The following MLXIP variants were observed in gnomAD, a reference collection of about 807,000 sequenced individuals.
MLXIP encodes the protein MLX interacting protein, also known as MLX-interacting protein.
Under a neutral mutation model 87.2 loss-of-function variants are expected in MLXIP, and 30 were observed. That is an observed-to-expected ratio of 0.34 (90% CI 0.26 to 0.47). The LOEUF (loss-of-function observed/expected upper bound fraction) is 0.47. MLXIP is among the 20% of genes least tolerant of loss of function. The pLI is 1.00. For synonymous variants in MLXIP, 530 were observed against 514.0 expected (o/e 1.03, Z -0.42); for missense variants, 1,002 against 1,240.1 (o/e 0.81, Z 2.88).
chr12:122,114,342 A>C (rs761837032), intron 1 of MLXIP, among the ~76,000 whole-genome samples: 1 of 152,202 alleles, frequency 6.6e-6, no homozygotes, highest in Non-Finnish European at 1.5e-5. Context: ...AACCACCCTC[A>C]GTTTCAATAA....
intron 1 of MLXIP, among the ~76,000 whole-genome samples, chr12:122,108,309 A>C (rs1232543865): frequency 2.0e-5 from 3 of 148,832 alleles, no homozygotes; most frequent in Non-Finnish European, 4.4e-5. Context: ...CAGAGGTTGC[A>C]GTGAGCTGAG....
At chr12:122,122,129 C>G (rs1401818921) in intron 1 of MLXIP, among the ~76,000 whole-genome samples, 4 of 152,048 alleles carry the variant, frequency 2.6e-5, no homozygotes, top group Admixed American at 2.6e-4. Context: ...TGGGGGAAGC[C>G]AGTGGTCTTG....
At chr12:122,130,705 G>A in intron 6 of MLXIP, 139 bp from the exon 7 acceptor site, 1 of 651,348 alleles carries the variant, frequency 1.5e-6, no homozygotes, top group Non-Finnish European at 2.8e-6. Context: ...CAAACCCTGA[G>A]AAGGTAGAAA....
chr12:122,113,392 C>T (rs1290117795), intron 1 of MLXIP, among the ~76,000 whole-genome samples: 3 of 152,018 alleles, frequency 2.0e-5, no homozygotes, highest in African/African-American at 2.4e-5. Flanking sequence ...CTCAGCCTCC[C>T]GAGTAGCTGG....
At chr12:122,119,174 AC>A (rs1282345436) in intron 1 of MLXIP, among the ~76,000 whole-genome samples, 3 of 150,012 alleles carry the variant, frequency 2.0e-5, no homozygotes, top group African/African-American at 7.5e-5. Context: ...TCTCAAAAAA[AC>A]AAACAAAACA....
At chr12:122,122,097 G>A (rs1952793143) in intron 1 of MLXIP, among the ~76,000 whole-genome samples, 2 of 152,202 alleles carry the variant, frequency 1.3e-5, no homozygotes, top group South Asian at 4.1e-4. Context: ...GGAGGTGGAG[G>A]CCAGAGGAGG....
In MLXIP at chr12:122,116,853, G is replaced by A. The variant is rs558513056; in HGVS notation, c.414-10403G>A. ...GCTGGGCCGGGCCAGCCTGGGTGAC[G>A]AGGCCAGAAATGGAACCACTCTGCT... On this transcript the variant is annotated intron_variant, in intron 1 of 16. Transcript: ENST00000319080. Among the ~76,000 whole-genome samples, 5 of 152,322 alleles carry A rather than the reference G, an allele frequency of 3.3e-5. No homozygotes were observed. In the East Asian group the frequency reaches 9.7e-4, roughly 29 times the overall value.
Position 122,144,148 on chromosome 12 carries a change from GAAC to G in MLXIP, c.*2338_*2340del, listed in dbSNP as rs1953258999. 1 of 152,646 alleles carries G rather than the reference GAAC, an allele frequency of 6.6e-6. No individual in the cohort carries two copies. 9.5% of individuals were successfully genotyped at this position (152,646 alleles called of 1,614,324 possible). A position where few individuals can be genotyped will look rare whatever the true frequency, so the allele number is the denominator to read the frequency against. ...TCCTGGGCTCCTGGGCCAGGTGCAGGAACATCTGAGGCCACTCTGCTGGCCACC... is the reference window on the plus strand; with the variant it reads ...TCCTGGGCTCCTGGGCCAGGTGCAGGATCTGAGGCCACTCTGCTGGCCACC... On this transcript the variant is annotated 3_prime_UTR_variant, in exon 17 of 17. Transcript: ENST00000319080.
Position 122,137,482 on chromosome 12 carries a change from A to C in MLXIP, c.2046A>C (p.Pro682=), listed in dbSNP as rs755163569. 6.2e-7 allele frequency: 1 copy of C among 1,613,924 alleles called. No individual in the cohort carries two copies. Among genetic ancestry groups the C allele is most frequent in the South Asian group, 1.1e-5 (1 of 91,084 alleles). Residue 682 remains proline (P), a synonymous_variant, in exon 12 of 17, where the codon CCA becomes CCC. Coordinates refer to ENST00000319080, the MANE Select transcript of MLXIP (RefSeq NM_014938.6). The surrounding 1 kb of genome is among the most constrained non-coding windows in gnomAD (Gnocchi z 4.1). ...VTVTGPSRDC[P]NSGQASPCAS... ...TGTTCTTACCAGGTCGGGACTGCCCAAACTCAGGGCAGGCCTCTCCGTGTG... is the reference window on the plus strand; with the variant it reads ...TGTTCTTACCAGGTCGGGACTGCCCCAACTCAGGGCAGGCCTCTCCGTGTG...
At chr12:122,129,731 C>G in intron 5 of MLXIP, 102 bp downstream of exon 5, 1 of 1,454,494 alleles carries the variant, frequency 6.9e-7, no homozygotes, top group South Asian at 1.2e-5. Flanking sequence ...AGGCCATGGG[C>G]CCTCCCTGGA....
chr12:122,128,268 A>C (rs1275680264), intron 3 of MLXIP: 5 of 318,328 alleles, frequency 1.6e-5, no homozygotes, highest in Admixed American at 9.1e-5. Context: ...GTCTAGAGGA[A>C]TATATAGAAG....
chr12:122,103,134 G>T lies in MLXIP; in HGVS notation c.413+23868G>T, dbSNP rs575234671. Among the ~76,000 whole-genome samples, 88 of 152,270 alleles carry T rather than the reference G, an allele frequency of 5.8e-4. 1 individual carries two copies. Among genetic ancestry groups the T allele is most frequent in the African/African-American group, 2.0e-3 (85 of 41,540 alleles). ...TTTTCCCGCCTTGGCTTCCCAAGTA[G>T]CTGGGACTACAGGTGTACGCCACCA... On this transcript the variant is annotated intron_variant, in intron 1 of 16. Transcript: ENST00000319080.
intron 1 of MLXIP, among the ~76,000 whole-genome samples, chr12:122,085,028 G>C (rs987071705): frequency 5.3e-5 from 8 of 152,244 alleles, no homozygotes; most frequent in African/African-American, 1.9e-4. Context: ...GGAGAAAAGT[G>C]ACCTACCTTA....
intron 1 of MLXIP, among the ~76,000 whole-genome samples, chr12:122,088,403 G>C (rs373378756): frequency 1.3e-5 from 2 of 152,304 alleles, no homozygotes; most frequent in African/African-American, 4.8e-5. Context: ...TCTAGAAGGA[G>C]GCAGTAGAGA....
chr12:122,115,604 A>AAAAAAAAAAAAAAC (rs1952678983), intron 1 of MLXIP, among the ~76,000 whole-genome samples: 1 of 151,270 alleles, frequency 6.6e-6, no homozygotes, highest in African/African-American at 2.4e-5. Flanking sequence ...AAAAAAAAAA[A>AAAAAAAAAAAAAAC]AGACCAGTAG....
intron 1 of MLXIP, among the ~76,000 whole-genome samples, chr12:122,096,229 C>T (rs1354615614): frequency 5.3e-5 from 8 of 152,116 alleles, no homozygotes; most frequent in South Asian, 2.1e-4. Context: ...AGGTGTGCAC[C>T]GCCACACCCG....
At position 122,133,615 on chromosome 12, in the gene MLXIP, C is replaced by T. The variant is rs1319846898; in HGVS notation, c.1360C>T (p.Pro454Ser). ...PPISPVLPLV[P>S]PPATALNPPA... is the part of the protein sequence containing the mutation. Reference sequence around the variant, plus strand: ...CATCTCCCCCGTGTTACCATTAGTTCCTCCTCCTGCCACTGCCCTGAACCC... The same window carrying T: ...CATCTCCCCCGTGTTACCATTAGTTTCTCCTCCTGCCACTGCCCTGAACCC... The change falls in exon 9 of 17, where the codon CCT (proline) becomes TCT (serine). Residue 454 changes from proline (P) to serine (S), a missense_variant. Transcript: ENST00000319080. This position sits in a 1 kb window ranked among gnomAD's most constrained non-coding sequence, Gnocchi z 4.9. 6.2e-7 allele frequency: 1 copy of T among 1,604,760 alleles called. No individual in the cohort carries two copies. Among genetic ancestry groups the T allele is most frequent in the Non-Finnish European group, 8.5e-7 (1 of 1,176,716 alleles).
At chr12:122,116,361 A>G (rs932615223) in intron 1 of MLXIP, among the ~76,000 whole-genome samples, 3 of 152,162 alleles carry the variant, frequency 2.0e-5, no homozygotes, top group Non-Finnish European at 4.4e-5. Context: ...ACATATGTAT[A>G]CATGTGCCAT....
intron 1 of MLXIP, among the ~76,000 whole-genome samples, chr12:122,099,200 G>A (rs1333585219): frequency 6.6e-6 from 1 of 152,214 alleles, no homozygotes; most frequent in Non-Finnish European, 1.5e-5. Flanking sequence ...TCGTGCCACT[G>A]CACTTCAGCT....
Sources: allele counts gnomAD v4.1 joint callset (sites outside exome capture counted in the v4.1 genomes callset), GRCh38; gene constraint gnomAD v4.1.1; non-coding constraint Gnocchi (gnomAD v3.1); transcripts MANE v1.5; gene names NCBI Gene and HGNC (gene_info 2026-07-23, HGNC 2026-07-21).